Variants in KDM6B observed in about 807,000 individuals in gnomAD.
KDM6B encodes lysine-specific demethylase 6B.
Under a neutral mutation model 150.4 loss-of-function variants are expected in KDM6B, and 22 were observed. The ratio of observed to expected loss-of-function variants is 0.15; its 90% CI spans 0.10 to 0.21. The LOEUF is 0.21. Among genes scored for constraint, KDM6B ranks in the 10% least tolerant of loss-of-function variants. The probability of loss-of-function intolerance (pLI) is 1.00; values close to 1 mark genes in which losing one functional copy is unlikely to be tolerated. For synonymous variants in KDM6B, 1,148 were observed against 921.1 expected, an observed-to-expected ratio of 1.25 and a Z score of -4.46; for missense variants, 1,984 against 2,234.3, an observed-to-expected ratio of 0.89 and a Z score of 2.26.
Position 7,846,992 on chromosome 17 carries a change from G to A in KDM6B, c.885G>A (p.Lys295=), listed in dbSNP as rs201808892. The change falls in exon 10 of 24, where the codon AAG becomes AAA. Residue 295 remains lysine (K), a synonymous_variant. Transcript: ENST00000448097. The part of the protein sequence containing the change: ...LHGDAWGPER[K]GSAPPERQEQ... ...GAGATGCCTGGGGCCCAGAGCGCAAGGGTTCAGCACCCCCAGAGCGCCAGG... is the reference window on the plus strand; with the variant it reads ...GAGATGCCTGGGGCCCAGAGCGCAAAGGTTCAGCACCCCCAGAGCGCCAGG... The A allele has an allele frequency of 2.0e-4, 327 of 1,613,382 alleles. 4 individuals carry two copies. The South Asian group carries it at 2.7e-3, about 14-fold the overall frequency.
At chr17:7,850,940 T>C in intron 14 of KDM6B, 81 bp from the exon 15 acceptor site, 1 of 1,251,154 alleles carries the variant, frequency 8.0e-7, no homozygotes, top group Non-Finnish European at 1.1e-6. Flanking sequence ...GCCAGAGGAG[T>C]AGGAAGGGAA....
chr17:7,853,696 T>TA lies in KDM6B; in HGVS notation c.*176dup, dbSNP rs397822445. The stretch of plus-strand genomic sequence containing the variant: ...TTAAGAAAAACTTTTTTTTTTTTTT[T>TA]AGCAAATATGAGGAAAAAAGGAAAA... On this transcript the variant is annotated 3_prime_UTR_variant, in exon 24 of 24. Transcript: ENST00000448097. 84 of 411,700 alleles carry TA rather than the reference T, an allele frequency of 2.0e-4. No individual in the cohort carries two copies. The highest frequency in any genetic ancestry group is 7.0e-4 in the Middle Eastern group (1 of 1,426). The allele number at this position is 411,700 out of a possible 1,614,324, so 25.5% of individuals were successfully genotyped here.
intron 1 of KDM6B, among the ~76,000 whole-genome samples, chr17:7,835,754 G>A (rs1355801539): frequency 1.1e-5 from 1 of 91,044 alleles, no homozygotes; most frequent in Admixed American, 1.1e-4. Flanking sequence ...CCCACCCCCC[G>A]CCCTGCGCCG....
rs773976437 is a variant in KDM6B, at chr17:7,849,632, A to C, written c.3344A>C (p.Lys1115Thr). The C allele has an allele frequency of 6.2e-7, 1 of 1,611,568 alleles. No individual in the cohort carries two copies. Among genetic ancestry groups the C allele is most frequent in the Non-Finnish European group, 8.5e-7 (1 of 1,179,984 alleles). ...IRLIKVESGD[K>T]ETFIASEVEE... Reference sequence around the variant, plus strand: ...CTCATCAAGGTAGAGAGTGGTGACAAGGAGACCTTTATCGCCTCTGAGGTG... The same window carrying C: ...CTCATCAAGGTAGAGAGTGGTGACACGGAGACCTTTATCGCCTCTGAGGTG... The change falls in exon 12 of 24, where the codon AAG (lysine) becomes ACG (threonine). Residue 1115 changes from lysine to threonine, a missense_variant. Transcript: ENST00000448097.
At chr17:7,846,371 G>GGGGCGGGGCCGGGGGCCCCCCCCC in intron 7 of KDM6B, 29 bp from the exon 8 acceptor site, 1 of 1,488,920 alleles carries the variant, frequency 6.7e-7, no homozygotes, top group Non-Finnish European at 9.2e-7. Context: ...CCTGACATCT[G>GGGGCGGGGCCGGGGGCCCCCCCCC]CCCCTGCCCC....
rs1350217431 is a variant in KDM6B, at chr17:7,849,178, G to A, written c.2890G>A (p.Gly964Arg). 5 of 1,609,434 alleles carry A rather than the reference G, an allele frequency of 3.1e-6. No homozygotes were observed. The highest frequency in any genetic ancestry group is 4.2e-6 in the Non-Finnish European group (5 of 1,178,432). Residue 964 changes from glycine to arginine, a missense_variant, in exon 12 of 24, where the codon GGG (glycine) becomes AGG (arginine). By Grantham distance (125) the Gly-to-Arg change is moderately radical (BLOSUM62 -2). Transcript: ENST00000448097. The part of the protein sequence containing the change: ...PPAQAKEEAG[G>R]VAAVSGSCKR... ...CGCACAGGCCAAGGAGGAGGCTGGC[G>A]GGGTGGCGGCAGTGTCAGGCAGCTG...
At chr17:7,842,924 C>T (rs2078447437) in intron 2 of KDM6B, among the ~76,000 whole-genome samples, 1 of 152,086 alleles carries the variant, frequency 6.6e-6, no homozygotes, top group African/African-American at 2.4e-5. Flanking sequence ...GACAAGGATC[C>T]GAGGTGGCTG....
At chr17:7,846,034 C>A in intron 6 of KDM6B, 44 bp from the exon 7 acceptor site, 1 of 1,568,356 alleles carries the variant, frequency 6.4e-7, no homozygotes, top group Non-Finnish European at 8.7e-7. Flanking sequence ...AGAGTCCCCT[C>A]AAGCCCAACC....
chr17:7,837,556 C>G (rs2078351078), intron 1 of KDM6B, among the ~76,000 whole-genome samples: 1 of 152,130 alleles, frequency 6.6e-6, no homozygotes, highest in Non-Finnish European at 1.5e-5. Flanking sequence ...TACCTTAGAG[C>G]TTGGGCTGTC....
At chr17:7,837,576 C>T (rs1355603443) in intron 1 of KDM6B, among the ~76,000 whole-genome samples, 1 of 152,108 alleles carries the variant, frequency 6.6e-6, no homozygotes, top group Non-Finnish European at 1.5e-5. Context: ...CAGATCAGAC[C>T]TGGATTCTAA....
At chr17:7,846,371 G>GGGGGGGGGCCGGGGGCCCCCCCCC in intron 7 of KDM6B, 29 bp from the exon 8 acceptor site, 1 of 1,488,918 alleles carries the variant, frequency 6.7e-7, no homozygotes. Flanking sequence ...CCTGACATCT[G>GGGGGGGGGCCGGGGGCCCCCCCCC]CCCCTGCCCC....
In KDM6B at chr17:7,847,215, C is replaced by T. The variant is rs368210900; in HGVS notation, c.1020C>T (p.Arg340=). The change falls in exon 11 of 24, where the codon CGC becomes CGT. Residue 340 remains arginine (R), a synonymous_variant. Coordinates refer to ENST00000448097, the MANE Select transcript of KDM6B (RefSeq NM_001348716.2). ...CTGCTCCCCCAGGCCCAGGCCCCCGCCCCCCAGGAGCAGAGAGCCATGGCT... is the reference window on the plus strand; with the variant it reads ...CTGCTCCCCCAGGCCCAGGCCCCCGTCCCCCAGGAGCAGAGAGCCATGGCT... ...VPAAPPGPGP[R]PPGAESHGCL... The T allele has an allele frequency of 2.4e-5, 39 of 1,591,866 alleles. No homozygotes were observed. In the African/African-American group the frequency reaches 4.0e-4, roughly 16 times the overall value.
At position 7,848,941 on chromosome 17, in the gene KDM6B, G is replaced by A; in HGVS notation, c.2653G>A (p.Gly885Ser). 6.3e-7 allele frequency: 1 copy of A among 1,596,076 alleles called. No individual in the cohort carries two copies. Among genetic ancestry groups the A allele is most frequent in the East Asian group, 2.3e-5 (1 of 44,438 alleles). The change falls in exon 12 of 24, where the codon GGC becomes AGC. Residue 885 changes from glycine to serine, a missense_variant. Physicochemically the swap from Gly to Ser is moderately conservative, Grantham distance 56. This residue lies in a region of KDM6B where 1,379 missense variants were observed against 1,275.6 expected (regional missense o/e 1.08). Coordinates refer to ENST00000448097, the MANE Select transcript of KDM6B (RefSeq NM_001348716.2). ...GCCCTGGGCCCGGGAGCGCAGGGCG[G>A]GCGAAGAGCCAGTCCCGGGCCCCAT... ...GGPWARERRA[G>S]EEPVPGPMTP...
intron 21 of KDM6B, 33 bp from the exon 22 acceptor site, chr17:7,852,967 C>T (rs778374951): frequency 1.1e-5 from 18 of 1,613,192 alleles, no homozygotes; most frequent in Non-Finnish European, 1.4e-5. Context: ...TCCTCCTTGC[C>T]GGTGGTCTCA....
At position 7,853,306 on chromosome 17, in the gene KDM6B, G is replaced by C; in HGVS notation, c.4834G>C (p.Gly1612Arg). 3 of 1,597,836 alleles carry C rather than the reference G, an allele frequency of 1.9e-6. No individual in the cohort carries two copies. The highest frequency in any genetic ancestry group is 2.6e-6 in the Non-Finnish European group (3 of 1,173,222). ...CEGCARRRSA[G>R]LQGVVVLEQY... Reference sequence around the variant, plus strand: ...GGGCTGTGCCCGGCGCCGCAGCGCAGGCCTGCAGGGCGTGGTGGTGCTGGA... The same window carrying C: ...GGGCTGTGCCCGGCGCCGCAGCGCACGCCTGCAGGGCGTGGTGGTGCTGGA... The change falls in exon 23 of 24, where the codon GGC becomes CGC. Residue 1612 changes from glycine (G) to arginine (R), a missense_variant. By Grantham distance (125) the Gly-to-Arg change is moderately radical. This residue lies in a region of KDM6B where 58 missense variants were observed against 76.4 expected (regional missense o/e 0.76). Transcript: ENST00000448097.
Position 7,847,049 on chromosome 17 carries a change from C to A in KDM6B, c.909+33C>A, listed in dbSNP as rs766500294. 5 of 1,611,018 alleles carry A rather than the reference C, an allele frequency of 3.1e-6. No homozygotes were observed. In the African/African-American group the frequency reaches 6.7e-5, roughly 22 times the overall value. ...CCTGCCTGTTGCCTTTCACCTCTCA[C>A]CTACAAGTCCCACGCTCTCTATTCC... On this transcript the variant is annotated intron_variant, in intron 10 of 23. Transcript: ENST00000448097.
In KDM6B at chr17:7,852,523, A is replaced by G. The variant is rs769586492; in HGVS notation, c.4497A>G (p.Arg1499=). 1.2e-6 allele frequency: 2 copies of G among 1,614,164 alleles called. No homozygotes were observed. The highest frequency in any genetic ancestry group is 2.2e-5 in the South Asian group (2 of 91,084). The change falls in exon 21 of 24, where the codon CGA becomes CGG. Residue 1499 remains arginine (R), a synonymous_variant. Transcript: ENST00000448097. The part of the protein sequence containing the change: ...TAYQYQLALE[R]YEWNEVKNVK... The stretch of plus-strand genomic sequence containing the variant: ...ATCAGTACCAGCTGGCCCTGGAACG[A>G]TACGAGTGGAATGAGGTGAAGAACG...
In KDM6B at chr17:7,843,682, T is replaced by G. The variant is rs766918483; in HGVS notation, c.-268-1219T>G. ...CCGGCGCTCGCTCCAGCTGGAGCGC[T>G]GGCCCCGCCCCCGCGGCTTTGTACT... On this transcript the variant is annotated intron_variant, in intron 2 of 23. Coordinates refer to ENST00000448097, the MANE Select transcript of KDM6B (RefSeq NM_001348716.2). This position sits in a 1 kb window ranked among gnomAD's most constrained non-coding sequence, Gnocchi z 4.5. Among the ~76,000 whole-genome samples, 2 of 151,960 alleles carry G rather than the reference T, an allele frequency of 1.3e-5. No individual in the cohort carries two copies. Among genetic ancestry groups the G allele is most frequent in the Middle Eastern group, 6.8e-3 (2 of 292 alleles).
At position 7,848,231 on chromosome 17, in the gene KDM6B, C is replaced by T; in HGVS notation, c.1943C>T (p.Pro648Leu). Residue 648 changes from proline (P) to leucine (L), a missense_variant, in exon 12 of 24, where the codon CCC becomes CTC. Pro to Leu is a moderately conservative substitution (Grantham distance 98). Transcript: ENST00000448097. ...PEVGPGPPPG[P>L]LSKAPQPVPP... ...GTGGGGCCGGGGCCACCCCCAGGCC[C>T]CCTGAGTAAAGCCCCCCAGCCTGTG... 1 of 1,611,656 alleles carries T rather than the reference C, an allele frequency of 6.2e-7. No individual in the cohort carries two copies. Among genetic ancestry groups the T allele is most frequent in the Non-Finnish European group, 8.5e-7 (1 of 1,179,120 alleles).
Sources: allele counts gnomAD v4.1 joint callset (sites outside exome capture counted in the v4.1 genomes callset), GRCh38; gene constraint gnomAD v4.1.1; regional missense constraint gnomAD v4.1.1; non-coding constraint Gnocchi (gnomAD v3.1); transcripts MANE v1.5; gene names NCBI Gene and HGNC (gene_info 2026-07-23, HGNC 2026-07-21).